The following ARHGAP32 variants were observed in gnomAD, a reference collection of about 807,000 sequenced individuals.
The protein encoded by ARHGAP32 is rho GTPase-activating protein 32.
Under a neutral mutation model 186.5 loss-of-function variants are expected in ARHGAP32, and 51 were observed. That is an observed-to-expected ratio of 0.27 (90% CI 0.22 to 0.35). The LOEUF (loss-of-function observed/expected upper bound fraction) is 0.35, where lower values mean the gene tolerates loss of function less well. Ranked by LOEUF, ARHGAP32 falls within the 10% of genes least tolerant of loss-of-function variation. The probability of loss-of-function intolerance (pLI) is 1.00; values close to 1 mark genes in which losing one functional copy is unlikely to be tolerated. For synonymous variants in ARHGAP32, 950 were observed against 964.3 expected, an observed-to-expected ratio of 0.99 and a Z score of 0.27; for missense variants, 2,186 against 2,623.5, an observed-to-expected ratio of 0.83 and a Z score of 3.64.
At chr11:129,277,410 G>C (rs1945545704) in intron 1 of ARHGAP32, among the ~76,000 whole-genome samples, 1 of 152,180 alleles carries the variant, frequency 6.6e-6, no homozygotes, top group South Asian at 2.1e-4. Context: ...TGTCTTGCTG[G>C]TTCTTAGTCT....
intron 2 of ARHGAP32, among the ~76,000 whole-genome samples, chr11:129,137,713 A>G (rs1251600895): frequency 2.0e-5 from 3 of 152,020 alleles, no homozygotes; most frequent in African/African-American, 7.2e-5. Flanking sequence ...ACCCATATTC[A>G]TTTCTTTTTT....
intron 1 of ARHGAP32, among the ~76,000 whole-genome samples, chr11:129,186,261 C>T (rs1944159389): frequency 1.3e-5 from 2 of 152,092 alleles, no homozygotes; most frequent in Non-Finnish European, 2.9e-5. Context: ...CTTTCTTGAA[C>T]ATCAAAATAC....
upstream of ARHGAP32, among the ~76,000 whole-genome samples, chr11:129,194,252 T>C (rs1398557293): frequency 6.6e-6 from 1 of 152,136 alleles, no homozygotes; most frequent in Non-Finnish European, 1.5e-5. Flanking sequence ...TAGGAAATTA[T>C]CTCACTTTCA....
At chr11:129,046,507 C>T (rs573619376) in intron 10 of ARHGAP32, among the ~76,000 whole-genome samples, 2 of 152,262 alleles carry the variant, frequency 1.3e-5, no homozygotes, top group South Asian at 2.1e-4. Flanking sequence ...ATGGCTCACC[C>T]TCTGACTCTA....
chr11:129,235,537 G>A (rs937950387), intron 1 of ARHGAP32, among the ~76,000 whole-genome samples: 1 of 152,064 alleles, frequency 6.6e-6, no homozygotes, highest in Admixed American at 6.5e-5. Context: ...CACAATTATA[G>A]GTCCATAAAA....
chr11:128,989,549 CACACACAT>C (rs1414001390), intron 12 of ARHGAP32, among the ~76,000 whole-genome samples: 1 of 151,138 alleles, frequency 6.6e-6, no homozygotes, highest in African/African-American at 2.4e-5. Flanking sequence ...CACACACACA[CACACACAT>C]ACATATATCT....
chr11:129,164,516 A>G, intron 1 of ARHGAP32, 89 bp from the exon 2 acceptor site: 1 of 730,962 alleles, frequency 1.4e-6, no homozygotes, highest in Non-Finnish European at 2.2e-6. Flanking sequence ...CAGAAAAACT[A>G]CATGTCAGAT....
chr11:129,070,169 A>G (rs1940825653), intron 6 of ARHGAP32, among the ~76,000 whole-genome samples: 1 of 152,032 alleles, frequency 6.6e-6, no homozygotes, highest in Non-Finnish European at 1.5e-5. Flanking sequence ...ATATATAACT[A>G]TTCCACAGTT....
At position 129,070,401 on chromosome 11, in the gene ARHGAP32, T is replaced by C. The variant is rs147075799; in HGVS notation, c.532-3533A>G. ...TCATGCATGGAGTATAGCAGGCAAA[T>C]ATTAGTTTGGTTAAATTGTTAACAT... On this transcript the variant is annotated intron_variant, in intron 6 of 22. Transcript: ENST00000682385. 5.5e-4 allele frequency among the ~76,000 whole-genome samples: 83 copies of C among 152,154 alleles called. 1 individual carries two copies. The East Asian group carries it at 0.015, about 27-fold the overall frequency.
intron 5 of ARHGAP32, among the ~76,000 whole-genome samples, chr11:129,122,455 A>T (rs998744135): frequency 6.6e-6 from 1 of 152,132 alleles, no homozygotes; most frequent in Admixed American, 6.6e-5. Context: ...AAATGTACTC[A>T]TTACTGTTTT....
intron 2 of ARHGAP32, among the ~76,000 whole-genome samples, chr11:129,147,289 G>T (rs1943186676): frequency 1.3e-5 from 2 of 152,226 alleles, no homozygotes; most frequent in Middle Eastern, 6.8e-3. Flanking sequence ...GATTCCAGAA[G>T]TGAAATCAGT....
intron 1 of ARHGAP32, among the ~76,000 whole-genome samples, chr11:129,256,588 G>A (rs1186744267): frequency 1.3e-5 from 2 of 152,086 alleles, no homozygotes; most frequent in African/African-American, 4.8e-5. Context: ...CATCCAATTG[G>A]ATATCCAGCT....
chr11:129,208,020 C>T (rs1944537595), intron 1 of ARHGAP32, among the ~76,000 whole-genome samples: 1 of 152,160 alleles, frequency 6.6e-6, no homozygotes, highest in South Asian at 2.1e-4. Context: ...CTGCACACAA[C>T]TGAACAATCT....
chr11:129,278,020 G>A (rs1945554155), intron 1 of ARHGAP32, among the ~76,000 whole-genome samples: 2 of 152,286 alleles, frequency 1.3e-5, no homozygotes, highest in Middle Eastern at 6.8e-3. Flanking sequence ...CTAGCAAACT[G>A]TGGAGACTCT....
rs1004402016 is a variant in ARHGAP32, at chr11:129,039,267, C to T, written c.1045+1661G>A. 3.3e-5 allele frequency among the ~76,000 whole-genome samples: 5 copies of T among 152,182 alleles called. No homozygotes were observed. In the South Asian group the frequency reaches 6.2e-4, roughly 19 times the overall value. Reference sequence around the variant, plus strand: ...ATACCCAAGGGAAATTAAAACATATCCACATGTAATATTGTACATGAATAT... The same window carrying T: ...ATACCCAAGGGAAATTAAAACATATTCACATGTAATATTGTACATGAATAT... On this transcript the variant is annotated intron_variant, in intron 11 of 22. Transcript: ENST00000682385.
chr11:129,181,432 A>C (rs1944051953), intron 1 of ARHGAP32, among the ~76,000 whole-genome samples: 1 of 152,166 alleles, frequency 6.6e-6, no homozygotes, highest in African/African-American at 2.4e-5. Flanking sequence ...TGATGATATA[A>C]ATCTGAGACT....
chr11:129,165,530 C>A (rs1943618172), intron 1 of ARHGAP32, among the ~76,000 whole-genome samples: 1 of 149,108 alleles, frequency 6.7e-6, no homozygotes, highest in South Asian at 2.3e-4. Flanking sequence ...TCTCCAGACT[C>A]TCTGCAAATC....
chr11:129,222,169 C>G (rs1390184770), intron 1 of ARHGAP32, among the ~76,000 whole-genome samples: 1 of 152,164 alleles, frequency 6.6e-6, no homozygotes, highest in African/African-American at 2.4e-5. Flanking sequence ...TTTTGCTACT[C>G]TAAAGCATAT....
At chr11:129,099,605 A>T (rs1391123020) in intron 5 of ARHGAP32, among the ~76,000 whole-genome samples, 1 of 152,230 alleles carries the variant, frequency 6.6e-6, no homozygotes, top group East Asian at 1.9e-4. Context: ...GGAAAAAGAT[A>T]TTCCATGCAA....
Sources: allele counts gnomAD v4.1 joint callset (sites outside exome capture counted in the v4.1 genomes callset), GRCh38; gene constraint gnomAD v4.1.1; transcripts MANE v1.5; gene names NCBI Gene and HGNC (gene_info 2026-07-23, HGNC 2026-07-21).